Variants in PRKD3 observed in about 807,000 individuals in gnomAD.
PRKD3 encodes serine/threonine-protein kinase D3.
PRKD3 carries 47 observed loss-of-function variants against 99.2 expected under a neutral mutation model. The observed-to-expected ratio is 0.47, with a 90% confidence interval of 0.38 to 0.60. PRKD3 has a LOEUF of 0.60. PRKD3 is among the 20% of genes least tolerant of loss of function. The pLI, the probability that PRKD3 is intolerant of heterozygous loss-of-function variation, is 0.00. For missense variants in PRKD3, 1,019 were observed against 1,088.4 expected (o/e 0.94, Z 0.90); for synonymous variants, 392 against 355.4 (o/e 1.10, Z -1.16).
At chr2:37,303,531 G>A (rs752540265) in intron 2 of PRKD3, among the ~76,000 whole-genome samples, 1 of 151,922 alleles carries the variant, frequency 6.6e-6, no homozygotes, top group Non-Finnish European at 1.5e-5. Context: ...GGGGCCCTTA[G>A]GTTGAAGGGC....
At chr2:37,291,866 C>G (rs1014284882) in intron 3 of PRKD3, among the ~76,000 whole-genome samples, 1 of 152,182 alleles carries the variant, frequency 6.6e-6, no homozygotes, top group Non-Finnish European at 1.5e-5. Context: ...ATCAGTTCTC[C>G]TACTTGCCAA....
Position 37,290,865 on chromosome 2 carries a change from C to A in PRKD3, c.559+3G>T. ...ATGACCACAAAAATTTTAGAACACA[C>A]ACCTTCACATTTCAGTCCTTGACGT... On this transcript the variant is annotated splice_donor_region_variant and intron_variant, in intron 4 of 18. Coordinates refer to ENST00000234179, the MANE Select transcript of PRKD3 (RefSeq NM_005813.6). The A allele has an allele frequency of 6.3e-7, 1 of 1,581,716 alleles. No homozygotes were observed. The highest frequency in any genetic ancestry group is 8.6e-7 in the Non-Finnish European group (1 of 1,165,182).
chr2:37,280,988 A>G (rs1334311289), intron 7 of PRKD3, among the ~76,000 whole-genome samples: 1 of 152,250 alleles, frequency 6.6e-6, no homozygotes, highest in African/African-American at 2.4e-5. Context: ...AAAAATGGCG[A>G]ATGAACACAT....
intron 2 of PRKD3, among the ~76,000 whole-genome samples, chr2:37,309,699 T>C (rs538070817): frequency 1.2e-4 from 18 of 152,110 alleles, no homozygotes; most frequent in African/African-American, 3.9e-4. Context: ...ACTACAAATA[T>C]TAGCTGGGTG....
chr2:37,295,565 G>A (rs1381021899), intron 2 of PRKD3, among the ~76,000 whole-genome samples: 1 of 152,174 alleles, frequency 6.6e-6, no homozygotes, highest in African/African-American at 2.4e-5. Context: ...CTGTTATTAT[G>A]TTCAAACTTT....
intron 6 of PRKD3, among the ~76,000 whole-genome samples, chr2:37,283,856 GC>G (rs1669968196): frequency 7.0e-6 from 1 of 142,204 alleles, no homozygotes; most frequent in Non-Finnish European, 1.5e-5. Flanking sequence ...GGGTGTGGCA[GC>G]ACCACTGCAC....
At chr2:37,253,790 T>G (rs1667710007) in intron 18 of PRKD3, among the ~76,000 whole-genome samples, 1 of 152,212 alleles carries the variant, frequency 6.6e-6, no homozygotes, top group Admixed American at 6.5e-5. Flanking sequence ...GTTCTAAAGC[T>G]TCCCTCCTTA....
At chr2:37,253,605 G>A (rs1017412691) in intron 18 of PRKD3, among the ~76,000 whole-genome samples, 3 of 152,074 alleles carry the variant, frequency 2.0e-5, no homozygotes, top group African/African-American at 7.2e-5. Context: ...TTTGCTTCAG[G>A]CTTCTTAGGT....
chr2:37,261,069 C>A (rs1224196574), intron 14 of PRKD3, among the ~76,000 whole-genome samples: 1 of 152,204 alleles, frequency 6.6e-6, no homozygotes, highest in Non-Finnish European at 1.5e-5. Context: ...TATTTCTGGA[C>A]ATAAATCTAA....
At chr2:37,260,796 A>C (rs1668375503) in intron 14 of PRKD3, among the ~76,000 whole-genome samples, 1 of 152,146 alleles carries the variant, frequency 6.6e-6, no homozygotes, top group African/African-American at 2.4e-5. Flanking sequence ...TAAGAGTTTT[A>C]TTTCTAAGGT....
intron 2 of PRKD3, among the ~76,000 whole-genome samples, chr2:37,306,261 G>A (rs1342523234): frequency 6.6e-6 from 1 of 152,032 alleles, no homozygotes. Flanking sequence ...TTTCTGTTTG[G>A]CTCAATTCCA....
At chr2:37,280,147 C>T (rs186105506) in intron 7 of PRKD3, among the ~76,000 whole-genome samples, 9 of 151,102 alleles carry the variant, frequency 6.0e-5, no homozygotes, top group African/African-American at 1.9e-4. Context: ...TGGGTTCAAG[C>T]GATTCTCTAG....
At position 37,289,345 on chromosome 2, in the gene PRKD3, A is replaced by C; in HGVS notation, c.717+11T>G. The C allele has an allele frequency of 6.2e-7, 1 of 1,613,168 alleles. No homozygotes were observed. The highest frequency in any genetic ancestry group is 8.5e-7 in the Non-Finnish European group (1 of 1,179,616). On this transcript the variant is annotated intron_variant, in intron 5 of 18. Transcript: ENST00000234179. ...CTACTACTAAAATGTCTATTACCTT[A>C]GAATACGTACCTCTTCACTGGGAAG...
intron 7 of PRKD3, among the ~76,000 whole-genome samples, chr2:37,280,872 T>TA (rs2148554479): frequency 6.6e-6 from 1 of 152,316 alleles, no homozygotes; most frequent in East Asian, 1.9e-4. Flanking sequence ...GATAAGGGAC[T>TA]AGTATCCAGG....
rs1380234072 is a variant in PRKD3, at chr2:37,253,188, C to A, written c.2662G>T (p.Glu888Ter). 10 of 1,601,702 alleles carry A rather than the reference C, an allele frequency of 6.2e-6. No individual in the cohort carries two copies. The African/African-American group carries it at 1.2e-4, about 19-fold the overall frequency. ...IMAPNPDDME[E>*]DP Reference sequence around the variant, plus strand: ...GGTTAGCTCAGTGATTAAGGATCTTCTTCCATATCATCTGGATTAGGAGCC... The same window carrying A: ...GGTTAGCTCAGTGATTAAGGATCTTATTCCATATCATCTGGATTAGGAGCC... Residue 888 changes from glutamate to a stop codon, truncating the protein, a stop_gained, in exon 19 of 19, where the codon GAA becomes TAA. Transcript: ENST00000234179. LOFTEE classifies it high-confidence loss of function.
At chr2:37,268,607 T>C (rs1041279106) in intron 13 of PRKD3, 2 of 257,576 alleles carry the variant, frequency 7.8e-6, no homozygotes, top group South Asian at 4.0e-5. Flanking sequence ...ATGTTTTTAT[T>C]TGATGGAGAA....
chr2:37,259,963 G>A (rs143667496), intron 15 of PRKD3, among the ~76,000 whole-genome samples: 14 of 152,152 alleles, frequency 9.2e-5, no homozygotes, highest in Non-Finnish European at 1.8e-4. Context: ...CAAGGAGTTC[G>A]AGACCAGCCT....
In PRKD3 at chr2:37,257,460, T is replaced by C. The variant is rs995290425; in HGVS notation, c.2146-531A>G. ...GCGGGCGGATCACGAGGTCAGGAGA[T>C]TGAGACCATCCTGGCTAATGCGGTG... On this transcript the variant is annotated intron_variant, in intron 16 of 18. Transcript: ENST00000234179. Among the ~76,000 whole-genome samples, 10 of 151,964 alleles carry C rather than the reference T, an allele frequency of 6.6e-5. No individual in the cohort carries two copies. The East Asian group carries it at 1.9e-3, about 30-fold the overall frequency.
At chr2:37,269,769 T>C (rs1239472518) in intron 12 of PRKD3, 82 bp from the exon 13 acceptor site, 1 of 946,084 alleles carries the variant, frequency 1.1e-6, no homozygotes, top group Non-Finnish European at 1.6e-6. Flanking sequence ...ATCCAAATAC[T>C]TCAATACATT....
Sources: gnomAD v4.1 joint callset for allele counts (sites outside exome capture counted in the v4.1 genomes callset) on GRCh38, gnomAD v4.1.1 for gene constraint, MANE v1.5 for transcripts, NCBI Gene and HGNC (gene_info 2026-07-23, HGNC 2026-07-21) for gene names.